Variants in ATP10A observed in about 807,000 individuals in gnomAD.
ATP10A encodes the protein phospholipid-transporting ATPase VA.
ATP10A carries 111 observed loss-of-function variants against 147.8 expected under a neutral mutation model. The observed-to-expected ratio is 0.75, with a 90% CI of 0.64 to 0.88. The LOEUF is 0.88. ATP10A is among the 40% of genes least tolerant of loss of function. The pLI is 0.00. For synonymous variants in ATP10A, 875 were observed against 841.6 expected (o/e 1.04, Z -0.69); for missense variants, 1,927 against 1,959.0 (o/e 0.98, Z 0.31).
intron 2 of ATP10A, among the ~76,000 whole-genome samples, chr15:25,772,361 T>A (rs1294809139): frequency 6.6e-6 from 1 of 152,064 alleles, no homozygotes; most frequent in Non-Finnish European, 1.5e-5. Flanking sequence ...AGAACCCGAC[T>A]TTGCACCCAA....
intron 1 of ATP10A, among the ~76,000 whole-genome samples, chr15:25,795,965 C>A (rs1890653868): frequency 1.3e-5 from 2 of 152,162 alleles, no homozygotes; most frequent in South Asian, 2.1e-4. Context: ...CTGCTCGCCT[C>A]TCCCTTCCCC....
chr15:25,723,240 C>T (rs903832447), intron 6 of ATP10A, among the ~76,000 whole-genome samples: 6 of 151,492 alleles, frequency 4.0e-5, no homozygotes, highest in Non-Finnish European at 8.8e-5. Flanking sequence ...CCCAGCTACT[C>T]GGGAGGCTGA....
intron 1 of ATP10A, among the ~76,000 whole-genome samples, chr15:25,801,184 A>G (rs2140781199): frequency 6.6e-6 from 1 of 152,214 alleles, no homozygotes; most frequent in African/African-American, 2.4e-5. Context: ...ATTTGAGGAC[A>G]TGTGCTCCAA....
At chr15:25,772,729 A>G (rs965350276) in intron 2 of ATP10A, among the ~76,000 whole-genome samples, 1 of 152,146 alleles carries the variant, frequency 6.6e-6, no homozygotes, top group African/African-American at 2.4e-5. Flanking sequence ...TTCCTAACCT[A>G]TGAACACCCC....
At chr15:25,688,446 G>T (rs1422268669) in intron 15 of ATP10A, among the ~76,000 whole-genome samples, 2 of 152,200 alleles carry the variant, frequency 1.3e-5, no homozygotes, top group Non-Finnish European at 2.9e-5. Flanking sequence ...ACAGGCAGGA[G>T]CCTGCCATGG....
chr15:25,808,030 A>C (rs1315061292), intron 1 of ATP10A, among the ~76,000 whole-genome samples: 1 of 152,242 alleles, frequency 6.6e-6, no homozygotes, highest in Non-Finnish European at 1.5e-5. Flanking sequence ...TTTACTTTTC[A>C]AAAGTGACAC....
intron 1 of ATP10A, among the ~76,000 whole-genome samples, chr15:25,830,635 C>T (rs1183123542): frequency 6.6e-6 from 1 of 152,146 alleles, no homozygotes; most frequent in African/African-American, 2.4e-5. Context: ...CAGCCCAGTT[C>T]GCCACGGCCC....
At chr15:25,742,017 A>T (rs1222700935) in intron 2 of ATP10A, among the ~76,000 whole-genome samples, 1 of 152,236 alleles carries the variant, frequency 6.6e-6, no homozygotes, top group Non-Finnish European at 1.5e-5. Flanking sequence ...TGAGCATGAA[A>T]CCCATTTAGA....
chr15:25,848,260 G>A (rs1255584048), intron 1 of ATP10A, among the ~76,000 whole-genome samples: 1 of 152,106 alleles, frequency 6.6e-6, no homozygotes, highest in Non-Finnish European at 1.5e-5. Context: ...TGACAACTTG[G>A]TGGCTTGAAG....
At chr15:25,779,034 G>A (rs958383640) in intron 2 of ATP10A, among the ~76,000 whole-genome samples, 2 of 152,058 alleles carry the variant, frequency 1.3e-5, no homozygotes, top group Non-Finnish European at 2.9e-5. Context: ...GCGCCACCAC[G>A]CCCAGCTAAT....
intron 2 of ATP10A, among the ~76,000 whole-genome samples, chr15:25,769,486 CAAAAAAAAAAAAAAAAA>C (rs58272964): frequency 3.7e-5 from 2 of 54,770 alleles, no homozygotes; most frequent in African/African-American, 7.9e-5. Flanking sequence ...GACTCTGTCT[CAAAAAAAAAAAAAAAAA>C]AAAAAAAAAA....
At chr15:25,856,696 A>G (rs953933218) in intron 1 of ATP10A, among the ~76,000 whole-genome samples, 2 of 152,202 alleles carry the variant, frequency 1.3e-5, no homozygotes, top group Non-Finnish European at 2.9e-5. Flanking sequence ...CAAAAAGACA[A>G]GTAAGCACAC....
At chr15:25,785,031 C>T (rs146346826) in intron 1 of ATP10A, among the ~76,000 whole-genome samples, 1,966 of 152,102 alleles carry the variant, frequency 0.013, 19 homozygotes, top group Non-Finnish European at 0.02. Flanking sequence ...AACAGCGGGA[C>T]AGGCCCCTCC....
chr15:25,832,565 CT>C lies in ATP10A; in HGVS notation c.449+30082del, dbSNP rs376440829. ...TACAGGTCCTATGTAAATTCGTTTCCTTTTTTTTTTTTCAAACACATTTCCT... is the reference window on the plus strand; with the variant it reads ...TACAGGTCCTATGTAAATTCGTTTCCTTTTTTTTTTTCAAACACATTTCCT... On this transcript the variant is annotated intron_variant, in intron 1 of 20. Transcript: ENST00000555815. 2.6e-3 allele frequency among the ~76,000 whole-genome samples: 367 copies of C among 143,204 alleles called. 1 individual carries two copies. The highest frequency in any genetic ancestry group is 6.3e-3 in the African/African-American group (249 of 39,326). The allele number at this position is 143,204 out of a possible 152,430, so 93.9% of individuals were successfully genotyped here. A position where few individuals can be genotyped will look rare whatever the true frequency, so the allele number is the denominator to read the frequency against.
At chr15:25,735,925 C>T (rs1887239860) in intron 3 of ATP10A, 131 bp downstream of exon 3, 1 of 834,338 alleles carries the variant, frequency 1.2e-6, no homozygotes, top group South Asian at 1.5e-5. Context: ...AGGTGCTGGG[C>T]CACATTCCCA....
intron 1 of ATP10A, among the ~76,000 whole-genome samples, chr15:25,814,995 A>G: frequency 6.6e-6 from 1 of 152,168 alleles, no homozygotes; most frequent in Admixed American, 6.5e-5. Flanking sequence ...ATGTATACAC[A>G]GGAAGGTTCT....
chr15:25,759,838 C>T (rs1292148382), intron 2 of ATP10A, among the ~76,000 whole-genome samples: 8 of 151,624 alleles, frequency 5.3e-5, no homozygotes, highest in Non-Finnish European at 1.5e-5. Context: ...TTTTCTTTAC[C>T]TTTTAGGTAG....
At chr15:25,687,580 G>T in intron 16 of ATP10A, 123 bp downstream of exon 16, 1 of 634,616 alleles carries the variant, frequency 1.6e-6, no homozygotes, top group Non-Finnish European at 2.0e-6. Context: ...CACAGGCGAA[G>T]GAGGATGGAG....
chr15:25,692,429 C>A (rs759592467), intron 14 of ATP10A, among the ~76,000 whole-genome samples: 6 of 152,186 alleles, frequency 3.9e-5, no homozygotes, highest in Non-Finnish European at 8.8e-5. Context: ...TGTTATCACT[C>A]CGTGACGGTC....
Sources: allele counts gnomAD v4.1 joint callset (sites outside exome capture counted in the v4.1 genomes callset), GRCh38; gene constraint gnomAD v4.1.1; transcripts MANE v1.5; gene names NCBI Gene and HGNC (gene_info 2026-07-23, HGNC 2026-07-21).